Variants in TVP23A observed in about 807,000 individuals in gnomAD.
TVP23A encodes trans-golgi network vesicle protein 23 homolog A, also known as Golgi apparatus membrane protein TVP23 homolog A.
In TVP23A, 21 loss-of-function variants were observed where a neutral mutation model predicts 31.7. That is an observed-to-expected ratio of 0.66 (90% CI 0.47 to 0.95). TVP23A has a LOEUF of 0.95. TVP23A is among the 40% of genes least tolerant of loss of function. The pLI is 0.00. For synonymous variants in TVP23A, 104 were observed against 96.0 expected (o/e 1.08, Z -0.49); for missense variants, 279 against 255.6 (o/e 1.09, Z -0.62).
At chr16:10,788,522 C>T (rs2032905171) in intron 2 of TVP23A, among the ~76,000 whole-genome samples, 1 of 152,000 alleles carries the variant, frequency 6.6e-6, no homozygotes, top group Non-Finnish European at 1.5e-5. Context: ...CAACACCACC[C>T]GTAAGGTACC....
downstream of TVP23A, among the ~76,000 whole-genome samples, chr16:10,759,110 G>A (rs1200091002): frequency 6.6e-6 from 1 of 152,200 alleles, no homozygotes; most frequent in Non-Finnish European, 1.5e-5. The surrounding 1 kb of genome is among the most constrained non-coding windows in gnomAD (Gnocchi z 4.7). Flanking sequence ...CAGTCAGGAC[G>A]ACCCATAGTC....
In TVP23A at chr16:10,818,630, G is replaced by A. The variant is rs1300634961; in HGVS notation, c.-137C>T. ...TGAGGGTCGGGGCCTGCGCCCTGTGGGGCAGCCTCAGCGCAGCTTCTCGGG... is the reference window on the plus strand; with the variant it reads ...TGAGGGTCGGGGCCTGCGCCCTGTGAGGCAGCCTCAGCGCAGCTTCTCGGG... On this transcript the variant is annotated 5_prime_UTR_variant, in exon 1 of 8. Transcript: ENST00000299866. This position sits in a 1 kb window ranked among gnomAD's most constrained non-coding sequence, Gnocchi z 4.7. The A allele has an allele frequency of 5.3e-6, 6 of 1,133,366 alleles. No individual in the cohort carries two copies. Among genetic ancestry groups the A allele is most frequent in the African/African-American group, 5.0e-5 (3 of 60,176 alleles). The allele number at this position is 1,133,366 out of a possible 1,614,324, so 70.2% of individuals were successfully genotyped here. A position where few individuals can be genotyped will look rare whatever the true frequency, so the allele number is the denominator to read the frequency against.
downstream of TVP23A, chr16:10,761,922 G>A (rs1184181372): frequency 3.1e-6 from 4 of 1,305,294 alleles, no homozygotes; most frequent in Non-Finnish European, 2.2e-6. Context: ...CACGGGTCGG[G>A]CACAACAGGG....
intron 2 of TVP23A, among the ~76,000 whole-genome samples, chr16:10,811,567 G>A (rs974623931): frequency 2.0e-5 from 3 of 151,888 alleles, no homozygotes; most frequent in African/African-American, 7.3e-5. Flanking sequence ...ACAGTGCCTG[G>A]CCATGAATTA....
chr16:10,805,958 C>CT (rs2033922654), intron 2 of TVP23A, among the ~76,000 whole-genome samples: 1 of 152,174 alleles, frequency 6.6e-6, no homozygotes, highest in Non-Finnish European at 1.5e-5. Flanking sequence ...GTGGGGGCTG[C>CT]TACCAGCATC....
chr16:10,803,215 C>T (rs978032456), intron 2 of TVP23A, among the ~76,000 whole-genome samples: 5 of 142,574 alleles, frequency 3.5e-5, no homozygotes, highest in Non-Finnish European at 6.0e-5. Flanking sequence ...ACCCAGGAGG[C>T]GGAGGTTGCA....
chr16:10,767,865 C>T lies in TVP23A; in HGVS notation c.*1237G>A, dbSNP rs1165928976. On this transcript the variant is annotated 3_prime_UTR_variant, in exon 8 of 8. Coordinates refer to ENST00000299866, the MANE Select transcript of TVP23A (RefSeq NM_001079512.4). The surrounding 1 kb of genome is among the most constrained non-coding windows in gnomAD (Gnocchi z 4.6). ...CGGGCTCAAGATCTTCCCATTGTCA[C>T]CAGCACGGAAAGAGCCCCAAGATCT... is the stretch of plus-strand genomic sequence containing the variant. 19 of 1,267,006 alleles carry T rather than the reference C, an allele frequency of 1.5e-5. No individual in the cohort carries two copies. In the South Asian group the frequency reaches 2.2e-4, roughly 14 times the overall value. The allele number at this position is 1,267,006 out of a possible 1,614,324, so 78.5% of individuals were successfully genotyped here.
intron 2 of TVP23A, among the ~76,000 whole-genome samples, chr16:10,776,896 G>A (rs1057408416): frequency 2.0e-5 from 3 of 152,114 alleles, no homozygotes; most frequent in African/African-American, 7.2e-5. Flanking sequence ...TGTAGCAGTG[G>A]GGACGACCAG....
At position 10,818,701 on chromosome 16, in the gene TVP23A, G is replaced by A. The variant is rs978241268; in HGVS notation, c.-208C>T. 7.2e-6 allele frequency: 4 copies of A among 556,036 alleles called. No homozygotes were observed. Among genetic ancestry groups the A allele is most frequent in the Admixed American group, 8.4e-5 (2 of 23,694 alleles). 34.4% of individuals were successfully genotyped at this position (556,036 alleles called of 1,614,324 possible). On this transcript the variant is annotated 5_prime_UTR_variant, in exon 1 of 8. Transcript: ENST00000299866. The surrounding 1 kb of genome is among the most constrained non-coding windows in gnomAD (Gnocchi z 4.7). ...CTAAGGCGCAGTCGCAGGCTGGGGA[G>A]GGGGCTCGGCTCGCCGGGGACGCGC...
downstream of TVP23A, chr16:10,757,899 G>A (rs148599400): frequency 6.4e-4 from 1,026 of 1,614,120 alleles, 6 homozygotes; most frequent in Middle Eastern, 4.9e-4. The surrounding 1 kb of genome is among the most constrained non-coding windows in gnomAD (Gnocchi z 4.1). Context: ...CCTCCGAGAT[G>A]TGGACTGGGG....
Position 10,768,911 on chromosome 16 carries a change from C to T in TVP23A, c.*191G>A. ...GGTCACTTTCAAAGACTCAGGGCAT[C>T]ACAGACACAGGTCTTTTTATGGAAC... On this transcript the variant is annotated 3_prime_UTR_variant, in exon 8 of 8. Coordinates refer to ENST00000299866, the MANE Select transcript of TVP23A (RefSeq NM_001079512.4). This position sits in a 1 kb window ranked among gnomAD's most constrained non-coding sequence, Gnocchi z 4.3. The T allele has an allele frequency of 1.4e-6, 1 of 730,434 alleles. No individual in the cohort carries two copies. Among genetic ancestry groups the T allele is most frequent in the Non-Finnish European group, 2.4e-6 (1 of 422,392 alleles). 45.2% of individuals were successfully genotyped at this position (730,434 alleles called of 1,614,324 possible).
intron 2 of TVP23A, among the ~76,000 whole-genome samples, chr16:10,815,134 A>G (rs1451456640): frequency 6.7e-6 from 1 of 150,294 alleles, no homozygotes; most frequent in African/African-American, 2.5e-5. Context: ...GCTCACACCT[A>G]TAATCTCAGC....
chr16:10,806,699 A>C (rs1415889437), intron 2 of TVP23A, among the ~76,000 whole-genome samples: 1 of 152,050 alleles, frequency 6.6e-6, no homozygotes, highest in African/African-American at 2.4e-5. Context: ...ACAGGGTTTC[A>C]CCATGTTGCC....
In TVP23A at chr16:10,773,331, G is replaced by A; in HGVS notation, c.435C>T (p.Ser145=). 1.2e-6 allele frequency: 2 copies of A among 1,607,086 alleles called. No individual in the cohort carries two copies. Among genetic ancestry groups the A allele is most frequent in the African/African-American group, 1.3e-5 (1 of 74,654 alleles). ...GCCTTACCAGCCACTTTAGCTTCAA[G>A]GAAAATAAGGTGCTAAAAAAAAACA... ...WIVFFFSTLF[S]LKLKWLALVV... Residue 145 remains serine (S), a synonymous_variant, in exon 5 of 8, where the codon TCC becomes TCT. Coordinates refer to ENST00000299866, the MANE Select transcript of TVP23A (RefSeq NM_001079512.4).
chr16:10,775,304 T>C lies in TVP23A; in HGVS notation c.90-208A>G, dbSNP rs1406193067. The C allele has an allele frequency of 1.4e-5, 19 of 1,395,592 alleles. No individual in the cohort carries two copies. The East Asian group carries it at 2.6e-4, about 19-fold the overall frequency. 86.5% of individuals were successfully genotyped at this position (1,395,592 alleles called of 1,614,324 possible). On this transcript the variant is annotated intron_variant, in intron 2 of 7. Transcript: ENST00000299866. ...CAGACAGTCATGCTGACACTGTTTT[T>C]TTTCCTCCCCTTCGAAGAATCCAGT... is the stretch of plus-strand genomic sequence containing the variant.
Position 10,799,876 on chromosome 16 carries a change from C to G in TVP23A, c.89+18227G>C, listed in dbSNP as rs116916296. The stretch of plus-strand genomic sequence containing the variant: ...ATGGACAGAAAAGAGCAGAGAGGCC[C>G]GAGACTGACTTTCCAGAAGTCTGGA... On this transcript the variant is annotated intron_variant, in intron 2 of 7. Coordinates refer to ENST00000299866, the MANE Select transcript of TVP23A (RefSeq NM_001079512.4). Among the ~76,000 whole-genome samples, 915 of 152,206 alleles carry G rather than the reference C, an allele frequency of 6.0e-3. 3 individuals carry two copies. Among genetic ancestry groups the G allele is most frequent in the South Asian group, 0.016 (78 of 4,810 alleles).
At chr16:10,810,511 T>TATTCC (rs925620756) in intron 2 of TVP23A, among the ~76,000 whole-genome samples, 2 of 145,792 alleles carry the variant, frequency 1.4e-5, no homozygotes, top group Non-Finnish European at 1.5e-5. Context: ...CACACCATGG[T>TATTCC]ATTCCAGCCT....
chr16:10,792,843 G>A (rs936249125), intron 2 of TVP23A, among the ~76,000 whole-genome samples: 4 of 152,236 alleles, frequency 2.6e-5, no homozygotes, highest in African/African-American at 9.6e-5. Context: ...GGGACTGTTG[G>A]GATATCTGAG....
chr16:10,808,739 T>C, intron 2 of TVP23A: 3 of 309,234 alleles, frequency 9.7e-6, no homozygotes, highest in South Asian at 5.1e-5. Flanking sequence ...ATTACACCAC[T>C]GCACTCCAGC....
Sources: gnomAD v4.1 joint callset for allele counts (sites outside exome capture counted in the v4.1 genomes callset) on GRCh38, gnomAD v4.1.1 for gene constraint, Gnocchi (gnomAD v3.1) non-coding constraint, MANE v1.5 for transcripts, NCBI Gene and HGNC (gene_info 2026-07-23, HGNC 2026-07-21) for gene names.